The following ZDHHC19 variants were observed in gnomAD, a reference collection of about 807,000 sequenced individuals.
ZDHHC19 encodes the protein zDHHC palmitoyltransferase 19, also known as palmitoyltransferase ZDHHC19.
A neutral mutation model predicts 33.9 loss-of-function variants in ZDHHC19; 30 were observed. The ratio of observed to expected loss-of-function variants is 0.88; its 90% CI spans 0.66 to 1.20. ZDHHC19 has a LOEUF of 1.20. ZDHHC19 is among the 50% of genes most tolerant of loss of function. The pLI, the probability that ZDHHC19 is intolerant of heterozygous loss-of-function variation, is 0.00. For missense variants in ZDHHC19, 364 were observed against 401.1 expected, an observed-to-expected ratio of 0.91 and a Z score of 0.79; for synonymous variants, 178 against 167.6, an observed-to-expected ratio of 1.06 and a Z score of -0.48.
At chr3:196,199,876 C>T (rs368395733) in intron 5 of ZDHHC19, among the ~76,000 whole-genome samples, 21 of 151,908 alleles carry the variant, frequency 1.4e-4, no homozygotes, top group African/African-American at 2.7e-4. Flanking sequence ...ACCCGGGAGG[C>T]GGAGGTTGCA....
At position 196,202,812 on chromosome 3, in the gene ZDHHC19, G is replaced by A. The variant is rs547771245; in HGVS notation, c.688-3938C>T. On this transcript the variant is annotated intron_variant, in intron 5 of 7. Coordinates refer to ENST00000296326, the MANE Select transcript of ZDHHC19 (RefSeq NM_001039617.2). ...CGGCCGGCTGAAGCTGCCGGGGAAG[G>A]GGGAGAGTGGGGCAAGTGAGCACTG... 2.0e-5 allele frequency among the ~76,000 whole-genome samples: 3 copies of A among 152,340 alleles called. No individual in the cohort carries two copies. The South Asian group carries it at 6.2e-4, about 32-fold the overall frequency.
rs200288776 is a variant in ZDHHC19 at position 196,210,375 on chromosome 3, A to G, written c.268+241T>C. Reference sequence around the variant, plus strand: ...AAGAAAGAAAGAAGGAAGGAAGGAAAGAGAGAGGAAGGAAGGAAAGAAAGA... The same window carrying G: ...AAGAAAGAAAGAAGGAAGGAAGGAAGGAGAGAGGAAGGAAGGAAAGAAAGA... On this transcript the variant is annotated intron_variant, in intron 2 of 7. Coordinates refer to ENST00000296326, the MANE Select transcript of ZDHHC19 (RefSeq NM_001039617.2). Among the ~76,000 whole-genome samples the G allele has an allele frequency of 5.4e-3, 492 of 91,766 alleles. 20 individuals are homozygous for G. In the South Asian group the frequency reaches 0.1, roughly 19 times the overall value. The allele number at this position is 91,766 out of a possible 152,430, so 60.2% of individuals were successfully genotyped here. A position where few individuals can be genotyped will look rare whatever the true frequency, so the allele number is the denominator to read the frequency against.
At chr3:196,200,887 C>T (rs1387780446) in intron 5 of ZDHHC19, among the ~76,000 whole-genome samples, 1 of 151,482 alleles carries the variant, frequency 6.6e-6, no homozygotes, top group Admixed American at 6.6e-5. Context: ...TGGCCTCAAG[C>T]GATCTTCCCA....
At chr3:196,207,098 G>A (rs561223256) in intron 5 of ZDHHC19, among the ~76,000 whole-genome samples, 1 of 152,144 alleles carries the variant, frequency 6.6e-6, no homozygotes, top group Admixed American at 6.5e-5. Flanking sequence ...TATCTGGTGG[G>A]TGTTACTCTG....
At position 196,200,545 on chromosome 3, in the gene ZDHHC19, G is replaced by A. The variant is rs569448031; in HGVS notation, c.688-1671C>T. Reference sequence around the variant, plus strand: ...AATTTTTTGTATTTTTAGTAGAGACGGGGTTTCACCGTGTTAGCCAGGATG... The same window carrying A: ...AATTTTTTGTATTTTTAGTAGAGACAGGGTTTCACCGTGTTAGCCAGGATG... On this transcript the variant is annotated intron_variant, in intron 5 of 7. Transcript: ENST00000296326. Among the ~76,000 whole-genome samples the A allele has an allele frequency of 4.7e-4, 70 of 149,572 alleles. 1 individual carries two copies. The highest frequency in any genetic ancestry group is 1.2e-3 in the East Asian group (6 of 5,126).
Position 196,203,260 on chromosome 3 carries a change from A to G in ZDHHC19, c.687+4138T>C, listed in dbSNP as rs1182044258. Among the ~76,000 whole-genome samples, 1 of 152,014 alleles carries G rather than the reference A, an allele frequency of 6.6e-6. No individual in the cohort carries two copies. Among genetic ancestry groups the G allele is most frequent in the East Asian group, 1.9e-4 (1 of 5,190 alleles). On this transcript the variant is annotated intron_variant, in intron 5 of 7. Transcript: ENST00000296326. This position sits in a 1 kb window ranked among gnomAD's most constrained non-coding sequence, Gnocchi z 4.3. Reference sequence around the variant, plus strand: ...ACTCTGTCTCAAAAAAGAAAAAAAAAGAAAGAAAGAAGAAAGAAAGAGAGA... The same window carrying G: ...ACTCTGTCTCAAAAAAGAAAAAAAAGGAAAGAAAGAAGAAAGAAAGAGAGA...
At chr3:196,199,256 C>G in intron 5 of ZDHHC19, 1 of 224,816 alleles carries the variant, frequency 4.4e-6, no homozygotes, top group Non-Finnish European at 9.0e-6. Context: ...AGGTTCTCTC[C>G]CTCCTCTCTC....
intron 2 of ZDHHC19, 97 bp from the exon 3 acceptor site, chr3:196,209,612 G>T: frequency 1.3e-6 from 2 of 1,482,230 alleles, no homozygotes; most frequent in South Asian, 1.3e-5. Context: ...GAAGGGTGGG[G>T]ACAAGGTGGG....
chr3:196,210,879 A>G, intron 1 of ZDHHC19, 142 bp from the exon 2 acceptor site: 1 of 1,338,790 alleles, frequency 7.5e-7, no homozygotes, highest in Non-Finnish European at 1.0e-6. Flanking sequence ...GCAGACTCAT[A>G]ATGGCTCCAC....
chr3:196,207,531 G>A (rs1423319577), intron 4 of ZDHHC19, 28 bp from the exon 5 acceptor site: 12 of 1,517,870 alleles, frequency 7.9e-6, no homozygotes, highest in African/African-American at 7.1e-5. Context: ...CCGGGCTGCG[G>A]GACCCCCACG....
rs1721899182 is a variant in ZDHHC19 at position 196,197,605 on chromosome 3, T to G, written c.*140A>C. The G allele has an allele frequency of 6.6e-6, 1 of 152,630 alleles. No individual in the cohort carries two copies. Among genetic ancestry groups the G allele is most frequent in the Admixed American group, 6.6e-5 (1 of 15,260 alleles). 9.5% of individuals were successfully genotyped at this position (152,630 alleles called of 1,614,324 possible). ...TCAGGAGGCGGGTTCAGGAGGCGGG[T>G]TCGGAGGTGAGCTCAGGTGCTGGTG... is the stretch of plus-strand genomic sequence containing the variant. On this transcript the variant is annotated 3_prime_UTR_variant, in exon 8 of 8. Transcript: ENST00000296326. The surrounding 1 kb of genome is among the most constrained non-coding windows in gnomAD (Gnocchi z 4.4).
intron 5 of ZDHHC19, among the ~76,000 whole-genome samples, chr3:196,199,161 T>A (rs148337823): frequency 6.6e-6 from 1 of 152,236 alleles, no homozygotes; most frequent in Admixed American, 6.5e-5. Flanking sequence ...CATGATCACA[T>A]GGCCCAGGAA....
At chr3:196,208,278 G>T in intron 4 of ZDHHC19, 110 bp downstream of exon 4, 2 of 871,246 alleles carry the variant, frequency 2.3e-6, no homozygotes, top group Non-Finnish European at 3.2e-6. Flanking sequence ...TCCCAGACTG[G>T]TCCTCCCAGG....
rs372850340 is a variant in ZDHHC19, at chr3:196,201,361, G to A, written c.688-2487C>T. Reference sequence around the variant, plus strand: ...GATTACAGCCGTGAGCCACCGCACCGGGCCAAAACTGACCAATACATTTGT... The same window carrying A: ...GATTACAGCCGTGAGCCACCGCACCAGGCCAAAACTGACCAATACATTTGT... On this transcript the variant is annotated intron_variant, in intron 5 of 7. Transcript: ENST00000296326. Among the ~76,000 whole-genome samples the A allele has an allele frequency of 4.1e-4, 62 of 150,492 alleles. No homozygotes were observed. In the East Asian group the frequency reaches 7.8e-3, roughly 19 times the overall value.
rs1433142648 is a variant in ZDHHC19 at position 196,208,486 on chromosome 3, G to T, written c.483C>A (p.Val161=). 6.2e-7 allele frequency: 1 copy of T among 1,614,086 alleles called. No homozygotes were observed. The highest frequency in any genetic ancestry group is 2.2e-5 in the East Asian group (1 of 44,902). The change falls in exon 4 of 8, where the codon GTC becomes GTA. Residue 161 remains valine, a synonymous_variant. Coordinates refer to ENST00000296326, the MANE Select transcript of ZDHHC19 (RefSeq NM_001039617.2). ...HRNFRFFMLL[V]LSLCLYSGAM... is the part of the protein sequence containing the mutation. Reference sequence around the variant, plus strand: ...CGCCCGAGTAGAGGCACAGGGACAGGACAAGCAGCATGAAGAAGCGGAAGT... The same window carrying T: ...CGCCCGAGTAGAGGCACAGGGACAGTACAAGCAGCATGAAGAAGCGGAAGT...
intron 5 of ZDHHC19, among the ~76,000 whole-genome samples, chr3:196,201,444 C>T (rs923934685): frequency 3.3e-5 from 5 of 151,336 alleles, no homozygotes; most frequent in East Asian, 2.0e-4. Flanking sequence ...AGCTCTTGGC[C>T]GGGCACCGTG....
chr3:196,209,525 G>A lies in ZDHHC19; in HGVS notation c.269-10C>T. 1.9e-6 allele frequency: 3 copies of A among 1,612,066 alleles called. 1 individual carries two copies. In the South Asian group the frequency reaches 3.3e-5, roughly 18 times the overall value. On this transcript the variant is annotated splice_polypyrimidine_tract_variant and intron_variant, in intron 2 of 7. Coordinates refer to ENST00000296326, the MANE Select transcript of ZDHHC19 (RefSeq NM_001039617.2). Reference sequence around the variant, plus strand: ...CCCTGCTCAGCGGAGCCTGGCGTGGGAAGAGGATTGGGCACAGCAGAAGGC... The same window carrying A: ...CCCTGCTCAGCGGAGCCTGGCGTGGAAAGAGGATTGGGCACAGCAGAAGGC...
At chr3:196,200,529 T>C (rs976879237) in intron 5 of ZDHHC19, among the ~76,000 whole-genome samples, 2 of 150,200 alleles carry the variant, frequency 1.3e-5, no homozygotes, top group East Asian at 1.9e-4. Flanking sequence ...TAATTTTTTG[T>C]ATTTTTAGTA....
At chr3:196,209,945 A>G (rs4916509) in intron 2 of ZDHHC19, among the ~76,000 whole-genome samples, 78,938 of 152,022 alleles carry the variant, frequency 0.52, 20,819 homozygotes, top group Non-Finnish European at 0.55. Context: ...TAATCCCAGC[A>G]CTTTGGGAGG....
Sources: gnomAD v4.1 joint callset for allele counts (sites outside exome capture counted in the v4.1 genomes callset) on GRCh38, gnomAD v4.1.1 for gene constraint, Gnocchi (gnomAD v3.1) non-coding constraint, MANE v1.5 for transcripts, NCBI Gene and HGNC (gene_info 2026-07-23, HGNC 2026-07-21) for gene names.